The following RBM5 variants were observed in gnomAD, a reference collection of about 807,000 sequenced individuals.
RBM5 encodes the protein RNA binding motif protein 5, also known as RNA-binding protein 5.
RBM5 carries 15 observed loss-of-function variants against 124.6 expected under a neutral mutation model. The observed-to-expected ratio is 0.12, with a 90% CI of 0.08 to 0.19. The LOEUF (loss-of-function observed/expected upper bound fraction) is 0.19, where lower values mean the gene tolerates loss of function less well. RBM5 is among the 10% of genes least tolerant of loss of function. RBM5 has a pLI of 1.00. For missense variants in RBM5, 580 were observed against 1,026.5 expected, an observed-to-expected ratio of 0.57 and a Z score of 5.94; for synonymous variants, 337 against 361.2, an observed-to-expected ratio of 0.93 and a Z score of 0.76.
At chr3:50,116,201 T>G in intron 22 of RBM5, 1 of 531,316 alleles carries the variant, frequency 1.9e-6, no homozygotes, top group East Asian at 3.2e-5. Context: ...AGAAGCACAC[T>G]GCCGAGACTC....
At chr3:50,106,963 A>G in intron 11 of RBM5, 99 bp downstream of exon 11, 2 of 1,012,398 alleles carry the variant, frequency 2.0e-6, no homozygotes, top group Admixed American at 3.5e-5. Context: ...ATGTTGAGAC[A>G]CTGTGATCCT....
chr3:50,099,910 T>G (rs2090905981), intron 4 of RBM5, 72 bp from the exon 5 acceptor site: 5 of 1,345,700 alleles, frequency 3.7e-6, no homozygotes, highest in South Asian at 1.4e-5. Flanking sequence ...AAACAGTTGA[T>G]GTAATTCCTA....
rs891667332 is a variant in RBM5, at chr3:50,109,587, T to G, written c.1193-16T>G. On this transcript the variant is annotated splice_polypyrimidine_tract_variant and intron_variant, in intron 14 of 24. Coordinates refer to ENST00000347869, the MANE Select transcript of RBM5 (RefSeq NM_005778.4). ...TCAGTGCCTTGGCTTTCCCTAACAC[T>G]TGTGTTTATCATCAGGCACAGCAGT... is the stretch of plus-strand genomic sequence containing the variant. 9 of 1,610,156 alleles carry G rather than the reference T, an allele frequency of 5.6e-6. No individual in the cohort carries two copies. The highest frequency in any genetic ancestry group is 8.5e-7 in the Non-Finnish European group (1 of 1,176,548).
At chr3:50,094,831 C>T (rs1559678448) in intron 4 of RBM5, among the ~76,000 whole-genome samples, 1 of 152,184 alleles carries the variant, frequency 6.6e-6, no homozygotes, top group South Asian at 2.1e-4. Flanking sequence ...GTTGCTCAAC[C>T]TGTATCTATC....
At position 50,115,598 on chromosome 3, in the gene RBM5, C is replaced by A; in HGVS notation, c.2010C>A (p.Asp670Glu). 1 of 1,608,910 alleles carries A rather than the reference C, an allele frequency of 6.2e-7. No homozygotes were observed. Among genetic ancestry groups the A allele is most frequent in the Non-Finnish European group, 8.5e-7 (1 of 1,178,392 alleles). ...DALVRHQQLS[D>E]LHKQNMDIYR... The stretch of plus-strand genomic sequence containing the variant: ...TAGTCAGGCACCAGCAACTCTCAGA[C>A]CTTCACAAGGTGGCCATGCTTCTGA... The change falls in exon 21 of 25, where the codon GAC (aspartate) becomes GAA (glutamate). Residue 670 changes from aspartate (D) to glutamate (E), a missense_variant. Physicochemically the swap from Asp to Glu is conservative, Grantham distance 45. Coordinates refer to ENST00000347869, the MANE Select transcript of RBM5 (RefSeq NM_005778.4).
At chr3:50,090,748 GA>G (rs1425241298) in intron 2 of RBM5, among the ~76,000 whole-genome samples, 1 of 152,210 alleles carries the variant, frequency 6.6e-6, no homozygotes, top group Non-Finnish European at 1.5e-5. Context: ...TGAAGGATAA[GA>G]AAGAATTTTA....
At position 50,099,728 on chromosome 3, in the gene RBM5, G is replaced by A. The variant is rs776240726; in HGVS notation, c.340-254G>A. 5.2e-4 allele frequency: 145 copies of A among 278,630 alleles called. 1 individual carries two copies. The highest frequency in any genetic ancestry group is 1.2e-3 in the Middle Eastern group (1 of 858). The allele number at this position is 278,630 out of a possible 1,614,324, so 17.3% of individuals were successfully genotyped here. A position where few individuals can be genotyped will look rare whatever the true frequency, so the allele number is the denominator to read the frequency against. ...AAAAAAAAAATCAGTCACGCATGGT[G>A]GTGCACACCTATAATCCCAGCTACT... On this transcript the variant is annotated intron_variant, in intron 4 of 24. Coordinates refer to ENST00000347869, the MANE Select transcript of RBM5 (RefSeq NM_005778.4).
chr3:50,109,554 G>GT, intron 14 of RBM5, 49 bp from the exon 15 acceptor site: 1 of 1,465,600 alleles, frequency 6.8e-7, no homozygotes, highest in Non-Finnish European at 9.6e-7. Context: ...AGATGTTTGG[G>GT]TTGGCGTTCA....
rs2091121938 is a variant in RBM5 at position 50,110,437 on chromosome 3, C to T, written c.1337C>T (p.Thr446Ile). The change falls in exon 16 of 25, where the codon ACT (threonine) becomes ATT (isoleucine). Residue 446 changes from threonine to isoleucine, a missense_variant. Coordinates refer to ENST00000347869, the MANE Select transcript of RBM5 (RefSeq NM_005778.4). ...TSTQAPAASP[T>I]GVVPGTKYAV... ...ACACAGGCCCCAGCCGCTTCCCCTA[C>T]TGGTGTAGTTCCTGGTACCAAATAT... 3 of 1,614,170 alleles carry T rather than the reference C, an allele frequency of 1.9e-6. No homozygotes were observed. The highest frequency in any genetic ancestry group is 2.5e-6 in the Non-Finnish European group (3 of 1,180,010).
chr3:50,096,306 T>C (rs967695829), intron 4 of RBM5, among the ~76,000 whole-genome samples: 1 of 133,526 alleles, frequency 7.5e-6, no homozygotes, highest in African/African-American at 2.9e-5. Context: ...CTGGACAACA[T>C]GGTAAGACGC....
intron 14 of RBM5, among the ~76,000 whole-genome samples, chr3:50,109,135 G>A (rs749404836): frequency 3.9e-5 from 6 of 151,906 alleles, no homozygotes; most frequent in Non-Finnish European, 7.4e-5. Flanking sequence ...GTGCGGTGGC[G>A]TTATCTCGGT....
At chr3:50,109,793 C>G (rs1299954704) in intron 15 of RBM5, 105 bp downstream of exon 15, 3 of 774,594 alleles carry the variant, frequency 3.9e-6, no homozygotes, top group Non-Finnish European at 6.6e-6. Flanking sequence ...TTGAGTAATA[C>G]ACACTTCAAC....
chr3:50,107,965 C>G, intron 12 of RBM5, 105 bp from the exon 13 acceptor site: 1 of 971,718 alleles, frequency 1.0e-6, no homozygotes, highest in East Asian at 2.6e-5. Flanking sequence ...GGATTACAGC[C>G]GTGAGCCACA....
rs59601460 is a variant in RBM5, at chr3:50,117,776, CA to C, written c.2322+411del. 57 of 148,690 alleles carry C rather than the reference CA, an allele frequency of 3.8e-4. No individual in the cohort carries two copies. The highest frequency in any genetic ancestry group is 1.0e-3 in the South Asian group (5 of 4,914). 9.2% of individuals were successfully genotyped at this position (148,690 alleles called of 1,614,324 possible). ...AGCCTGGGCAACAGCGACTCTGTCT[CA>C]AAAAAAAAAAAAATTTAGTAGGGTT... is the stretch of plus-strand genomic sequence containing the variant. On this transcript the variant is annotated intron_variant, in intron 24 of 24. Coordinates refer to ENST00000347869, the MANE Select transcript of RBM5 (RefSeq NM_005778.4). This position sits in a 1 kb window ranked among gnomAD's most constrained non-coding sequence, Gnocchi z 4.2.
chr3:50,118,618 C>G lies in RBM5; in HGVS notation c.*162C>G. The G allele has an allele frequency of 8.6e-7, 1 of 1,168,606 alleles. No homozygotes were observed. Among genetic ancestry groups the G allele is most frequent in the African/African-American group, 1.5e-5 (1 of 64,908 alleles). 72.4% of individuals were successfully genotyped at this position (1,168,606 alleles called of 1,614,324 possible). ...TTCTCCCTCCCACCTTAAAGAAGTT[C>G]CCCTTATGTGGGTTGCCTGGTGAAT... On this transcript the variant is annotated 3_prime_UTR_variant, in exon 25 of 25. Coordinates refer to ENST00000347869, the MANE Select transcript of RBM5 (RefSeq NM_005778.4).
intron 4 of RBM5, 147 bp from the exon 5 acceptor site, chr3:50,099,835 C>T: frequency 1.6e-6 from 1 of 620,150 alleles, no homozygotes; most frequent in Admixed American, 3.3e-5. Flanking sequence ...GCACTCCAGC[C>T]TGGGCAATCA....
chr3:50,109,761 T>C (rs1235999450), intron 15 of RBM5, 73 bp downstream of exon 15: 1 of 1,221,080 alleles, frequency 8.2e-7, no homozygotes, highest in Non-Finnish European at 1.2e-6. Flanking sequence ...AGTATTACCC[T>C]TTCCTGTTGT....
rs1479950129 is a variant in RBM5 at position 50,117,044 on chromosome 3, A to G, written c.2095-30A>G. ...CGGTTACAGGTTGAAGTCTGTGAACATTTCCAGCAGTGTTTTTTCTCCCAT... is the reference window on the plus strand; with the variant it reads ...CGGTTACAGGTTGAAGTCTGTGAACGTTTCCAGCAGTGTTTTTTCTCCCAT... On this transcript the variant is annotated intron_variant, in intron 22 of 24. Coordinates refer to ENST00000347869, the MANE Select transcript of RBM5 (RefSeq NM_005778.4). This position sits in a 1 kb window ranked among gnomAD's most constrained non-coding sequence, Gnocchi z 4.2. 3.8e-6 allele frequency: 6 copies of G among 1,591,690 alleles called. No individual in the cohort carries two copies. The African/African-American group carries it at 4.0e-5, about 11-fold the overall frequency.
At chr3:50,109,480 G>A in intron 14 of RBM5, 123 bp from the exon 15 acceptor site, 3 of 744,216 alleles carry the variant, frequency 4.0e-6, no homozygotes, top group African/African-American at 1.8e-5. Flanking sequence ...CTTAGTGGAA[G>A]TTAGCTTATG....
Sources: allele counts gnomAD v4.1 joint callset (sites outside exome capture counted in the v4.1 genomes callset), GRCh38; gene constraint gnomAD v4.1.1; non-coding constraint Gnocchi (gnomAD v3.1); transcripts MANE v1.5; gene names NCBI Gene and HGNC (gene_info 2026-07-23, HGNC 2026-07-21).